Variants in PCDH15 observed in about 807,000 individuals in gnomAD.
PCDH15 encodes protocadherin-15.
A neutral mutation model predicts 178.5 loss-of-function variants in PCDH15; 129 were observed. That is an observed-to-expected ratio of 0.72 (90% CI 0.63 to 0.84). PCDH15 has a LOEUF of 0.84. Ranked by LOEUF, PCDH15 falls within the 40% of genes least tolerant of loss-of-function variation. The probability of loss-of-function intolerance (pLI) is 0.00; values close to 1 mark genes in which losing one functional copy is unlikely to be tolerated. For synonymous variants in PCDH15, 800 were observed against 732.0 expected (o/e 1.09, Z -1.50); for missense variants, 2,230 against 2,099.9 (o/e 1.06, Z -1.21).
chr10:54,072,082 A>T (rs2094255497), intron 17 of PCDH15, among the ~76,000 whole-genome samples: 1 of 152,050 alleles, frequency 6.6e-6, no homozygotes, highest in African/African-American at 2.4e-5. Context: ...AATATTGAAA[A>T]TTTCCATCTG....
chr10:54,232,924 C>CTTT (rs762364718), intron 9 of PCDH15, among the ~76,000 whole-genome samples: 19 of 109,186 alleles, frequency 1.7e-4, no homozygotes, highest in Middle Eastern at 4.7e-3. Flanking sequence ...AGCTTTCTTT[C>CTTT]TTTTTTTTTT....
chr10:55,294,490 G>T (rs1228986742), intron 1 of PCDH15, among the ~76,000 whole-genome samples: 1 of 152,140 alleles, frequency 6.6e-6, no homozygotes, highest in Non-Finnish European at 1.5e-5. Context: ...AATGTTCTTG[G>T]TGAAGGATGA....
intron 2 of PCDH15, among the ~76,000 whole-genome samples, chr10:55,624,235 A>T (rs369741376): frequency 3.9e-4 from 59 of 151,980 alleles, no homozygotes; most frequent in African/African-American, 1.3e-3. Context: ...TAGTTTCCTA[A>T]TTTTTTCCCC....
At chr10:54,141,804 T>C in intron 14 of PCDH15, among the ~76,000 whole-genome samples, 1 of 152,182 alleles carries the variant, frequency 6.6e-6, no homozygotes, top group East Asian at 1.9e-4. Flanking sequence ...TTTGAAGAGT[T>C]TGGTGTGAAA....
intron 1 of PCDH15, among the ~76,000 whole-genome samples, chr10:55,237,545 T>C (rs758359551): frequency 2.0e-5 from 3 of 152,154 alleles, no homozygotes; most frequent in Non-Finnish European, 4.4e-5. Flanking sequence ...TAGATTATCA[T>C]TATTTGTGTT....
intron 11 of PCDH15, among the ~76,000 whole-genome samples, chr10:54,192,290 TA>T (rs1287833992): frequency 6.6e-6 from 1 of 151,678 alleles, no homozygotes; most frequent in Non-Finnish European, 1.5e-5. Flanking sequence ...AGCTTTTGAA[TA>T]AATCACTCTA....
In PCDH15 at chr10:54,119,551, G is replaced by T. The variant is rs530779103; in HGVS notation, c.1917+13324C>A. On this transcript the variant is annotated intron_variant, in intron 15 of 37. Transcript: ENST00000644397. ...CATTTCTGAGAGAGAAAGAGAAAAA[G>T]AAAACAACCTGGAAATTACATTTGA... Among the ~76,000 whole-genome samples the T allele has an allele frequency of 1.1e-3, 169 of 152,088 alleles. 1 individual carries two copies. The highest frequency in any genetic ancestry group is 0.01 in the Middle Eastern group (3 of 294).
chr10:53,819,687 G>GA (rs141869828), intron 33 of PCDH15, among the ~76,000 whole-genome samples: 3,160 of 151,926 alleles, frequency 0.021, 130 homozygotes, highest in African/African-American at 0.074. Context: ...TAAATATTGA[G>GA]AAAAAAGTGT....
intron 2 of PCDH15, among the ~76,000 whole-genome samples, chr10:54,959,390 T>C (rs868390804): frequency 3.6e-4 from 54 of 151,896 alleles, no homozygotes; most frequent in African/African-American, 1.3e-3. Flanking sequence ...AAAACCACCA[T>C]TTTGCAAACT....
intron 2 of PCDH15, among the ~76,000 whole-genome samples, chr10:55,609,561 A>T (rs1218027550): frequency 6.6e-6 from 1 of 152,156 alleles, no homozygotes; most frequent in African/African-American, 2.4e-5. Flanking sequence ...TCATATGTCA[A>T]AATGAAAGGC....
At chr10:54,383,463 T>G (rs1480316118) in intron 3 of PCDH15, among the ~76,000 whole-genome samples, 1 of 152,070 alleles carries the variant, frequency 6.6e-6, no homozygotes, top group East Asian at 1.9e-4. Flanking sequence ...GACTAAGAGA[T>G]AAAATAGAAA....
At chr10:55,427,337 T>A (rs2132052762) in intron 2 of PCDH15, among the ~76,000 whole-genome samples, 1 of 152,284 alleles carries the variant, frequency 6.6e-6, no homozygotes, top group South Asian at 2.1e-4. Flanking sequence ...AACACAATGT[T>A]ATAAGGGTGT....
chr10:54,369,246 C>A lies in PCDH15; in HGVS notation c.348G>T (p.Val116=), dbSNP rs751464731. The change falls in exon 5 of 38, where the codon GTG becomes GTT. Residue 116 remains valine, a synonymous_variant. Coordinates refer to ENST00000644397, the MANE Select transcript of PCDH15 (RefSeq NM_001384140.1). The part of the protein sequence containing the change: ...DPPMNIHSIV[V]QVQCINKKVG... ...CTTTTTTGTTGATGCACTGGACCTG[C>A]ACCACAATGGAGTGTATGTTCATCG... 8.1e-6 allele frequency: 13 copies of A among 1,612,740 alleles called. No individual in the cohort carries two copies. The highest frequency in any genetic ancestry group is 6.7e-5 in the Admixed American group (4 of 59,806).
intron 5 of PCDH15, among the ~76,000 whole-genome samples, chr10:54,356,416 A>C (rs1045722776): frequency 3.9e-5 from 6 of 152,148 alleles, no homozygotes; most frequent in Admixed American, 3.3e-4. Flanking sequence ...TACACAATAA[A>C]GTAGTAAGGG....
At chr10:54,945,857 T>C (rs1838186735) in intron 2 of PCDH15, among the ~76,000 whole-genome samples, 1 of 151,808 alleles carries the variant, frequency 6.6e-6, no homozygotes, top group Non-Finnish European at 1.5e-5. Context: ...TGAGTCTATA[T>C]TCTCAAAAGT....
chr10:54,380,659 ATATATATATATG>A (rs1949075422), intron 3 of PCDH15, among the ~76,000 whole-genome samples: 1 of 71,260 alleles, frequency 1.4e-5, no homozygotes. Context: ...ATATATATAT[ATATATATATATG>A]CTCCATATAT....
chr10:54,192,154 A>AAAAGAAAGAAAG (rs141596947), intron 11 of PCDH15, among the ~76,000 whole-genome samples: 79 of 132,664 alleles, frequency 6.0e-4, no homozygotes, highest in African/African-American at 2.3e-3. Flanking sequence ...GAAAGAAAGA[A>AAAAGAAAGAAAG]AAAGAAAGAA....
chr10:55,367,922 C>T (rs1488678837), intron 2 of PCDH15, among the ~76,000 whole-genome samples: 1 of 152,030 alleles, frequency 6.6e-6, no homozygotes, highest in Non-Finnish European at 1.5e-5. Flanking sequence ...TTATTTCTTC[C>T]AAATACAGGA....
Position 54,450,161 on chromosome 10 carries a change from T to C in PCDH15, c.158-71219A>G, listed in dbSNP as rs532041953. Reference sequence around the variant, plus strand: ...TATATATATATATATATATATATTATACTTTAAGTTCTAGGGTACATGTGC... The same window carrying C: ...TATATATATATATATATATATATTACACTTTAAGTTCTAGGGTACATGTGC... On this transcript the variant is annotated intron_variant, in intron 3 of 37. Transcript: ENST00000644397. 2.2e-4 allele frequency among the ~76,000 whole-genome samples: 30 copies of C among 133,380 alleles called. 1 individual carries two copies. In the East Asian group the frequency reaches 3.1e-3, roughly 14 times the overall value. 87.5% of individuals were successfully genotyped at this position (133,380 alleles called of 152,430 possible). A position where few individuals can be genotyped will look rare whatever the true frequency, so the allele number is the denominator to read the frequency against.
Sources: allele counts gnomAD v4.1 joint callset (sites outside exome capture counted in the v4.1 genomes callset), GRCh38; gene constraint gnomAD v4.1.1; transcripts MANE v1.5; gene names NCBI Gene and HGNC (gene_info 2026-07-23, HGNC 2026-07-21).